Variants in PAPPA2 observed in about 807,000 individuals in gnomAD.
The protein encoded by PAPPA2 is pappalysin-2.
In PAPPA2, 86 loss-of-function variants were observed where a neutral mutation model predicts 176.4. The ratio of observed to expected loss-of-function variants is 0.49; its 90% confidence interval spans 0.41 to 0.58. The LOEUF (loss-of-function observed/expected upper bound fraction) is 0.58. PAPPA2 is among the 20% of genes least tolerant of loss of function. The probability of loss-of-function intolerance (pLI) is 0.00; values close to 1 mark genes in which losing one functional copy is unlikely to be tolerated. For synonymous variants in PAPPA2, 809 were observed against 852.2 expected (o/e 0.95, Z 0.88); for missense variants, 2,073 against 2,256.9 (o/e 0.92, Z 1.65).
At position 176,595,515 on chromosome 1, in the gene PAPPA2, C is replaced by T. The variant is rs763120882; in HGVS notation, c.1911C>T (p.Asn637=). ...LCHVECNNML[N]DFDDGDCCDP... ...ACGTGGAGTGTAACAACATGCTGAA[C>T]GACTTTGACGACGGAGACTGCTGCG... is the stretch of plus-strand genomic sequence containing the variant. The change falls in exon 3 of 23, where the codon AAC becomes AAT. Residue 637 remains asparagine, a synonymous_variant. Transcript: ENST00000367662. The T allele has an allele frequency of 2.2e-5, 35 of 1,614,072 alleles. No homozygotes were observed. Among genetic ancestry groups the T allele is most frequent in the Middle Eastern group, 1.6e-4 (1 of 6,084 alleles).
intron 2 of PAPPA2, among the ~76,000 whole-genome samples, chr1:176,560,006 G>A (rs907341812): frequency 1.3e-5 from 2 of 152,212 alleles, no homozygotes; most frequent in African/African-American, 4.8e-5. Context: ...ACACTAGGTG[G>A]CAGTGTTGCT....
Position 176,555,993 on chromosome 1 carries a change from C to A in PAPPA2, c.-330C>A. 1 of 262,060 alleles carries A rather than the reference C, an allele frequency of 3.8e-6. No individual in the cohort carries two copies. The allele number at this position is 262,060 out of a possible 1,614,324, so 16.2% of individuals were successfully genotyped here. On this transcript the variant is annotated 5_prime_UTR_variant, in exon 2 of 23. The change creates a new upstream start codon in the 5' untranslated region. Transcript: ENST00000367662. Reference sequence around the variant, plus strand: ...AGGGGGGAAAAAAAAAGAAAGAAATCTGAGCTTTCTGGGAGGAAATTCAAA... The same window carrying A: ...AGGGGGGAAAAAAAAAGAAAGAAATATGAGCTTTCTGGGAGGAAATTCAAA...
At chr1:176,465,917 AT>A (rs1278453483) in intron 1 of PAPPA2, among the ~76,000 whole-genome samples, 6 of 151,460 alleles carry the variant, frequency 4.0e-5, no homozygotes, top group East Asian at 3.9e-4. Flanking sequence ...CCTGTATATC[AT>A]TTTTTTTATA....
At chr1:176,839,007 A>G (rs773587914) in intron 21 of PAPPA2, among the ~76,000 whole-genome samples, 1 of 152,230 alleles carries the variant, frequency 6.6e-6, no homozygotes, top group Non-Finnish European at 1.5e-5. Flanking sequence ...TGAGTGATCT[A>G]TCTCATCAAA....
intron 14 of PAPPA2, among the ~76,000 whole-genome samples, chr1:176,746,938 T>G (rs1402239138): frequency 1.3e-5 from 2 of 152,208 alleles, no homozygotes; most frequent in African/African-American, 4.8e-5. Context: ...TAGAAAGAGA[T>G]AGACTGTTGT....
chr1:176,693,321 C>T (rs558368675), intron 6 of PAPPA2, among the ~76,000 whole-genome samples: 11 of 152,356 alleles, frequency 7.2e-5, no homozygotes, highest in Non-Finnish European at 1.3e-4. Context: ...AATTCTGAGG[C>T]ATAGAGAAAC....
intron 4 of PAPPA2, among the ~76,000 whole-genome samples, chr1:176,687,699 G>T (rs1168921268): frequency 6.6e-6 from 1 of 151,922 alleles, no homozygotes. Flanking sequence ...TTTGATGTTT[G>T]CTCAGAGCTG....
At chr1:176,547,455 C>T (rs943217950) in intron 1 of PAPPA2, among the ~76,000 whole-genome samples, 1 of 152,230 alleles carries the variant, frequency 6.6e-6, no homozygotes, top group Admixed American at 6.5e-5. Flanking sequence ...GTAGACTATC[C>T]TTGTGTGAGG....
In PAPPA2 at chr1:176,695,948, A is replaced by G; in HGVS notation, c.2746+89A>G. ...AGAGTGGAGTAGTGACATGGTGACA[A>G]AAAGGCAATGTATGTGTATGTGTGT... On this transcript the variant is annotated intron_variant, in intron 7 of 22. Transcript: ENST00000367662. The G allele has an allele frequency of 2.7e-6, 4 of 1,497,810 alleles. No individual in the cohort carries two copies. The South Asian group carries it at 3.6e-5, about 14-fold the overall frequency. 92.8% of individuals were successfully genotyped at this position (1,497,810 alleles called of 1,614,324 possible).
intron 8 of PAPPA2, among the ~76,000 whole-genome samples, chr1:176,701,235 T>C (rs544111574): frequency 8.5e-5 from 13 of 152,330 alleles, no homozygotes; most frequent in African/African-American, 2.9e-4. Flanking sequence ...ACTCTGCCTT[T>C]TACAAACTCA....
chr1:176,624,122 A>T (rs1655873331), intron 3 of PAPPA2, among the ~76,000 whole-genome samples: 1 of 152,198 alleles, frequency 6.6e-6, no homozygotes, highest in Non-Finnish European at 1.5e-5. Context: ...AAAATAAAAT[A>T]TACAGAATTC....
At chr1:176,801,101 A>ACG (rs1665664457) in intron 21 of PAPPA2, among the ~76,000 whole-genome samples, 1 of 133,572 alleles carries the variant, frequency 7.5e-6, no homozygotes, top group African/African-American at 3.2e-5. Context: ...ACACACACAC[A>ACG]CACGCACACA....
At chr1:176,635,810 A>G (rs934572052) in intron 3 of PAPPA2, among the ~76,000 whole-genome samples, 3 of 152,146 alleles carry the variant, frequency 2.0e-5, no homozygotes, top group African/African-American at 7.2e-5. Context: ...CCACGGTAGG[A>G]GAATGAACAT....
intron 21 of PAPPA2, among the ~76,000 whole-genome samples, chr1:176,828,020 C>A (rs1666923728): frequency 6.6e-6 from 1 of 151,868 alleles, no homozygotes; most frequent in African/African-American, 2.4e-5. Flanking sequence ...AGAGGTTAGA[C>A]CAGGTGTACA....
At chr1:176,463,499 T>G (rs902547130) in intron 1 of PAPPA2, 81 bp downstream of exon 1, 6 of 152,262 alleles carry the variant, frequency 3.9e-5, no homozygotes, top group Admixed American at 3.3e-4. Context: ...TAACTTGGCT[T>G]GTGCAGGGGG....
chr1:176,588,189 C>A (rs1162453956), intron 2 of PAPPA2, among the ~76,000 whole-genome samples: 1 of 152,184 alleles, frequency 6.6e-6, no homozygotes, highest in East Asian at 1.9e-4. Context: ...AATGGGAGTT[C>A]ATTCATGATT....
At chr1:176,623,711 C>CTTCT (rs137895257) in intron 3 of PAPPA2, among the ~76,000 whole-genome samples, 23,663 of 123,472 alleles carry the variant, frequency 0.19, 2,626 homozygotes, top group Middle Eastern at 0.25. Flanking sequence ...TCTTTCTTTT[C>CTTCT]TTCTTTCTTT....
chr1:176,695,917 A>T, intron 7 of PAPPA2, 58 bp downstream of exon 7: 2 of 1,593,408 alleles, frequency 1.3e-6, no homozygotes, highest in Non-Finnish European at 8.5e-7. Flanking sequence ...ATGGGGGTGG[A>T]GGTAAAGAGT....
chr1:176,815,830 T>C (rs541575292), intron 21 of PAPPA2, among the ~76,000 whole-genome samples: 1 of 152,100 alleles, frequency 6.6e-6, no homozygotes, highest in Non-Finnish European at 1.5e-5. Context: ...GAGAACTTGA[T>C]CAGCCTTCCA....
Sources: allele counts gnomAD v4.1 joint callset (sites outside exome capture counted in the v4.1 genomes callset), GRCh38; gene constraint gnomAD v4.1.1; transcripts MANE v1.5; gene names NCBI Gene and HGNC (gene_info 2026-07-23, HGNC 2026-07-21).